BMPR1A: variants seen among roughly 807,000 people sequenced by gnomAD.
The protein encoded by BMPR1A is bone morphogenetic protein receptor type-1A.
A neutral mutation model predicts 66.0 loss-of-function variants in BMPR1A; 7 were observed. The ratio of observed to expected loss-of-function variants is 0.11; its 90% CI spans 0.06 to 0.20. The LOEUF (loss-of-function observed/expected upper bound fraction) is 0.20. Among genes scored for constraint, BMPR1A ranks in the 10% least tolerant of loss-of-function variants. The probability of loss-of-function intolerance (pLI) is 1.00; values close to 1 mark genes in which losing one functional copy is unlikely to be tolerated. For missense variants in BMPR1A, 408 were observed against 669.1 expected (o/e 0.61, Z 4.31); for synonymous variants, 200 against 229.7 (o/e 0.87, Z 1.17).
intron 1 of BMPR1A, among the ~76,000 whole-genome samples, chr10:86,774,932 A>C (rs140506014): frequency 5.9e-5 from 9 of 152,360 alleles, no homozygotes; most frequent in Admixed American, 5.9e-4. Flanking sequence ...GATAAAGGGT[A>C]ATTTTCTACC....
intron 7 of BMPR1A, among the ~76,000 whole-genome samples, chr10:86,905,243 C>CTGTGGT (rs1254720994): frequency 6.6e-6 from 1 of 152,194 alleles, no homozygotes; most frequent in Non-Finnish European, 1.5e-5. Flanking sequence ...CATGGCCTCC[C>CTGTGGT]TCCACTGTGG....
rs1004729714 is a variant in BMPR1A at position 86,877,106 on chromosome 10, T to C, written c.67+1021T>C. On this transcript the variant is annotated intron_variant, in intron 3 of 12. Coordinates refer to ENST00000372037, the MANE Select transcript of BMPR1A (RefSeq NM_004329.3). ...TGTCTTCGTTCTCAAGTTTTTTACT[T>C]CACAGGTTGCTTTTTCCTAATGTTT... is the stretch of plus-strand genomic sequence containing the variant. 9.9e-5 allele frequency among the ~76,000 whole-genome samples: 15 copies of C among 152,204 alleles called. 1 individual carries two copies. Among genetic ancestry groups the C allele is most frequent in the Non-Finnish European group, 1.8e-4 (12 of 68,042 alleles).
At chr10:86,828,390 AG>A (rs1356394568) in intron 1 of BMPR1A, among the ~76,000 whole-genome samples, 2 of 152,204 alleles carry the variant, frequency 1.3e-5, no homozygotes, top group Non-Finnish European at 2.9e-5. Context: ...CGGTTCACAA[AG>A]GGGAAAAAAC....
intron 2 of BMPR1A, among the ~76,000 whole-genome samples, chr10:86,870,348 A>G (rs1354411840): frequency 6.6e-6 from 1 of 152,168 alleles, no homozygotes; most frequent in East Asian, 1.9e-4. Flanking sequence ...TGTTCATGCC[A>G]CAGATGTGGG....
chr10:86,810,228 G>A (rs1340678936), intron 1 of BMPR1A, among the ~76,000 whole-genome samples: 1 of 151,972 alleles, frequency 6.6e-6, no homozygotes, highest in African/African-American at 2.4e-5. Context: ...TGATCCACCC[G>A]CCTCAGTCTC....
chr10:86,901,307 A>G (rs1234807567), intron 7 of BMPR1A, among the ~76,000 whole-genome samples: 1 of 152,228 alleles, frequency 6.6e-6, no homozygotes, highest in Non-Finnish European at 1.5e-5. Flanking sequence ...GTGAGATAAC[A>G]ATTGCTGTTT....
chr10:86,825,080 CTTT>C (rs35280609), intron 1 of BMPR1A, among the ~76,000 whole-genome samples: 1 of 144,410 alleles, frequency 6.9e-6, no homozygotes, highest in Non-Finnish European at 1.5e-5. Flanking sequence ...AAATGACATT[CTTT>C]TTTTTTTTTT....
chr10:86,833,271 T>C (rs545146971), intron 1 of BMPR1A, among the ~76,000 whole-genome samples: 4 of 152,312 alleles, frequency 2.6e-5, no homozygotes, highest in Admixed American at 6.5e-5. Flanking sequence ...GTGTATCTCA[T>C]TGTAGTTTTA....
chr10:86,841,167 C>G (rs922955387), intron 2 of BMPR1A, among the ~76,000 whole-genome samples: 1 of 152,162 alleles, frequency 6.6e-6, no homozygotes. Flanking sequence ...ATGCCAGGCA[C>G]TGTGTTAGGT....
chr10:86,783,696 C>G (rs1158938787), intron 1 of BMPR1A, among the ~76,000 whole-genome samples: 1 of 152,204 alleles, frequency 6.6e-6, no homozygotes, highest in Non-Finnish European at 1.5e-5. Context: ...TCAAGAGATC[C>G]TCCTGCCTCA....
At chr10:86,891,233 A>G (rs1228659423) in intron 4 of BMPR1A, among the ~76,000 whole-genome samples, 1 of 152,176 alleles carries the variant, frequency 6.6e-6, no homozygotes, top group Non-Finnish European at 1.5e-5. Context: ...GTTTGCCAGC[A>G]GGGAACTGCT....
intron 1 of BMPR1A, among the ~76,000 whole-genome samples, chr10:86,768,361 A>T (rs898107900): frequency 6.6e-6 from 1 of 152,206 alleles, no homozygotes; most frequent in Non-Finnish European, 1.5e-5. Flanking sequence ...GGATTATGCT[A>T]TTAAAGATGT....
At chr10:86,855,604 TTGAG>T (rs1416985383) in intron 2 of BMPR1A, 242 of 613,180 alleles carry the variant, frequency 3.9e-4, no homozygotes, top group Non-Finnish European at 2.9e-5. Flanking sequence ...TGAAGAACTC[TTGAG>T]TATTTACTTT....
chr10:86,795,555 C>A (rs1294246380), intron 1 of BMPR1A, among the ~76,000 whole-genome samples: 1 of 151,964 alleles, frequency 6.6e-6, no homozygotes, highest in Non-Finnish European at 1.5e-5. Context: ...GTTACACATT[C>A]TTTGTTCCTG....
At chr10:86,781,455 G>T (rs908782039) in intron 1 of BMPR1A, among the ~76,000 whole-genome samples, 28 of 152,122 alleles carry the variant, frequency 1.8e-4, no homozygotes, top group African/African-American at 6.3e-4. Context: ...ATTTTCAGGT[G>T]TTGTATTGTG....
chr10:86,876,067 A>T lies in BMPR1A; in HGVS notation c.49A>T (p.Ile17Phe). 1 of 1,611,542 alleles carries T rather than the reference A, an allele frequency of 6.2e-7. No homozygotes were observed. The highest frequency in any genetic ancestry group is 8.5e-7 in the Non-Finnish European group (1 of 1,177,854). The change falls in exon 3 of 13, where the codon ATC (isoleucine) becomes TTC (phenylalanine). Residue 17 changes from isoleucine (I) to phenylalanine (F), a missense_variant. By Grantham distance (21) the Ile-to-Phe change is conservative. Around this residue, in one of 5 missense-constraint regions of BMPR1A, gnomAD observed 68 missense variants for 83.0 expected, o/e 0.82. Transcript: ENST00000372037. Reference protein sequence around the residue: ...YIRLLGAYLFIISRVQGQNLD... With the variant: ...YIRLLGAYLFFISRVQGQNLD... ...CAGATTATTGGGAGCCTATTTGTTCATCATTTCTCGTGTTCAAGGTAAATC... is the reference window on the plus strand; with the variant it reads ...CAGATTATTGGGAGCCTATTTGTTCTTCATTTCTCGTGTTCAAGGTAAATC...
intron 1 of BMPR1A, among the ~76,000 whole-genome samples, chr10:86,774,061 G>A (rs1294956826): frequency 6.6e-6 from 1 of 151,982 alleles, no homozygotes; most frequent in Non-Finnish European, 1.5e-5. Flanking sequence ...ATAATGGCCA[G>A]GCTGGTCTCA....
At chr10:86,770,083 G>A (rs1841229100) in intron 1 of BMPR1A, among the ~76,000 whole-genome samples, 1 of 152,094 alleles carries the variant, frequency 6.6e-6, no homozygotes, top group Non-Finnish European at 1.5e-5. Flanking sequence ...TTGAGCTCAG[G>A]AGTTCGAGAT....
intron 1 of BMPR1A, among the ~76,000 whole-genome samples, chr10:86,766,417 A>G (rs1426932255): frequency 2.0e-5 from 3 of 152,132 alleles, no homozygotes; most frequent in South Asian, 2.1e-4. Flanking sequence ...TTGCATTGCA[A>G]ATATGCTGTG....
Sources: allele counts gnomAD v4.1 joint callset (sites outside exome capture counted in the v4.1 genomes callset), GRCh38; gene constraint gnomAD v4.1.1; regional missense constraint gnomAD v4.1.1; transcripts MANE v1.5; gene names NCBI Gene and HGNC (gene_info 2026-07-23, HGNC 2026-07-21).